Variants in OR2L13 observed in about 807,000 individuals in gnomAD.
OR2L13 encodes the protein olfactory receptor family 2 subfamily L member 13, also known as olfactory receptor 2L13.
Under a neutral mutation model 15.3 loss-of-function variants are expected in OR2L13, and 14 were observed. The observed-to-expected ratio is 0.91, with a 90% CI of 0.60 to 1.43. The LOEUF (loss-of-function observed/expected upper bound fraction) is 1.43, where lower values mean the gene tolerates loss of function less well. OR2L13 is among the 40% of genes most tolerant of loss of function. OR2L13 has a pLI of 0.00. For missense variants in OR2L13, 367 were observed against 387.9 expected, an observed-to-expected ratio of 0.95 and a Z score of 0.45; for synonymous variants, 152 against 142.9, an observed-to-expected ratio of 1.06 and a Z score of -0.45.
chr1:248,037,758 G>A, the OR2L13 span, among the ~76,000 whole-genome samples: 1 of 152,066 alleles, frequency 6.6e-6, no homozygotes, highest in Non-Finnish European at 1.5e-5. Context: ...GCTTTCCGTG[G>A]TTTCTCCTGT....
chr1:248,077,765 G>T, the OR2L13 span, among the ~76,000 whole-genome samples: 6 of 152,142 alleles, frequency 3.9e-5, no homozygotes, highest in African/African-American at 1.4e-4. Context: ...TCACAGCTCT[G>T]TCAAAGGACT....
At chr1:248,022,651 A>G in the OR2L13 span, 1 of 1,614,100 alleles carries the variant, frequency 6.2e-7, no homozygotes, top group Middle Eastern at 1.6e-4. Context: ...GGGAGGAAAA[A>G]GGCCTATTCG....
chr1:248,083,557 G>T, the OR2L13 span: 1 of 994,652 alleles, frequency 1.0e-6, no homozygotes, highest in Non-Finnish European at 1.5e-6. Context: ...TTCTGTTCAT[G>T]AACTACTAAA....
the OR2L13 span, among the ~76,000 whole-genome samples, chr1:247,992,533 C>A: frequency 1.3e-5 from 2 of 152,162 alleles, no homozygotes; most frequent in African/African-American, 4.8e-5. Flanking sequence ...CCCATCCCCT[C>A]CCTCTAGCAG....
the OR2L13 span, among the ~76,000 whole-genome samples, chr1:247,956,978 T>C: frequency 1.3e-5 from 2 of 152,176 alleles, no homozygotes; most frequent in Non-Finnish European, 2.9e-5. Flanking sequence ...CTTCCAACAC[T>C]ATGTTGAATA....
the OR2L13 span, among the ~76,000 whole-genome samples, chr1:247,994,495 A>G: frequency 6.6e-6 from 1 of 152,176 alleles, no homozygotes; most frequent in Non-Finnish European, 1.5e-5. Flanking sequence ...CCTTCAATCC[A>G]GACTGGCTCT....
At chr1:248,012,797 AT>A in the OR2L13 span, among the ~76,000 whole-genome samples, 2 of 152,146 alleles carry the variant, frequency 1.3e-5, no homozygotes, top group Non-Finnish European at 2.9e-5. Flanking sequence ...CAATGTATCA[AT>A]TAATTAAATA....
the OR2L13 span, among the ~76,000 whole-genome samples, chr1:248,051,532 T>C: frequency 6.6e-6 from 1 of 152,238 alleles, no homozygotes; most frequent in African/African-American, 2.4e-5. Flanking sequence ...GAGCTAAGCA[T>C]TGGGTACACA....
the OR2L13 span, among the ~76,000 whole-genome samples, chr1:248,033,833 G>C: frequency 1.3e-5 from 2 of 152,040 alleles, no homozygotes; most frequent in Admixed American, 6.6e-5. Context: ...AAAAATTCAA[G>C]GATGCTCACT....
At chr1:247,968,376 G>A in the OR2L13 span, among the ~76,000 whole-genome samples, 1 of 151,996 alleles carries the variant, frequency 6.6e-6, no homozygotes, top group East Asian at 1.9e-4. Context: ...TTAAGTTCTA[G>A]GGTACATGTG....
chr1:248,083,312 G>A, the OR2L13 span, among the ~76,000 whole-genome samples: 1 of 151,984 alleles, frequency 6.6e-6, no homozygotes, highest in Non-Finnish European at 1.5e-5. Context: ...ATATTTCCAC[G>A]CTATGTGAAA....
chr1:247,997,456 A>C, the OR2L13 span, among the ~76,000 whole-genome samples: 851 of 152,294 alleles, frequency 5.6e-3, 13 homozygotes, highest in Middle Eastern at 0.024. Context: ...ATATGTTAGA[A>C]GATAACTCCC....
At chr1:247,940,726 A>ACTTG in the OR2L13 span, among the ~76,000 whole-genome samples, 97 of 65,704 alleles carry the variant, frequency 1.5e-3, no homozygotes, top group Non-Finnish European at 2.6e-3. Context: ...GTGTGTGCAT[A>ACTTG]CGTGCGTGTG....
At chr1:248,041,246 C>G in the OR2L13 span, 11 of 152,064 alleles carry the variant, frequency 7.2e-5, no homozygotes, top group Non-Finnish European at 1.0e-4. Context: ...CTGAGAAAAA[C>G]AAGCAATGGG....
chr1:247,979,513 A>G, the OR2L13 span, among the ~76,000 whole-genome samples: 1 of 151,514 alleles, frequency 6.6e-6, no homozygotes, highest in South Asian at 2.1e-4. Context: ...ATAGCTGTAT[A>G]GTATTTCATG....
chr1:247,981,025 T>C, the OR2L13 span: 1 of 151,250 alleles, frequency 6.6e-6, no homozygotes, highest in Admixed American at 6.6e-5. Context: ...GTTTCAGAAA[T>C]AGAATTGAAG....
chr1:248,050,880 T>A, the OR2L13 span, among the ~76,000 whole-genome samples: 3 of 152,162 alleles, frequency 2.0e-5, no homozygotes, highest in Non-Finnish European at 4.4e-5. Context: ...AGCAATGTCA[T>A]AAAATTACTG....
upstream of OR2L13, among the ~76,000 whole-genome samples, chr1:248,094,020 A>T (rs1244995694): frequency 6.6e-6 from 1 of 152,188 alleles, no homozygotes; most frequent in African/African-American, 2.4e-5. Context: ...GGATGACTAT[A>T]GTTAACAATA....
the OR2L13 span, among the ~76,000 whole-genome samples, chr1:248,057,658 T>C: frequency 6.6e-6 from 1 of 152,188 alleles, no homozygotes; most frequent in African/African-American, 2.4e-5. Flanking sequence ...ATTCGTGTCT[T>C]CTTTAATAGC....
Sources: gnomAD v4.1 joint callset for allele counts (sites outside exome capture counted in the v4.1 genomes callset) on GRCh38, gnomAD v4.1.1 for gene constraint, MANE v1.5 for transcripts, NCBI Gene and HGNC (gene_info 2026-07-23, HGNC 2026-07-21) for gene names.